CADM2: variants seen among roughly 807,000 people sequenced by gnomAD.
The protein encoded by CADM2 is immunoglobulin superfamily member 4D.
Under a neutral mutation model 49.8 loss-of-function variants are expected in CADM2, and 12 were observed. The ratio of observed to expected loss-of-function variants is 0.24; its 90% CI spans 0.15 to 0.39. The LOEUF (loss-of-function observed/expected upper bound fraction) is 0.39. Among genes scored for constraint, CADM2 ranks in the 10% least tolerant of loss-of-function variants. The pLI, the probability that CADM2 is intolerant of heterozygous loss-of-function variation, is 1.00. For missense variants in CADM2, 378 were observed against 492.3 expected, an observed-to-expected ratio of 0.77 and a Z score of 2.20; for synonymous variants, 214 against 175.4, an observed-to-expected ratio of 1.22 and a Z score of -1.74.
chr3:85,731,547 A>T (rs975930648), intron 2 of CADM2, among the ~76,000 whole-genome samples: 2 of 152,164 alleles, frequency 1.3e-5, no homozygotes, highest in Non-Finnish European at 2.9e-5. Context: ...TGTGGGAAAA[A>T]TGAACAAACA....
In CADM2 at chr3:85,970,961, G is replaced by GA. The variant is rs199539354; in HGVS notation, c.970+9323dup. On this transcript the variant is annotated intron_variant, in intron 8 of 9. Transcript: ENST00000383699. Reference sequence around the variant, plus strand: ...TTTTACAGAATGAAAGATAAAAATGGAAAAAAAAAGTCATGCAAGAAATCT... The same window carrying GA: ...TTTTACAGAATGAAAGATAAAAATGGAAAAAAAAAAGTCATGCAAGAAATCT... Among the ~76,000 whole-genome samples, 53 of 149,472 alleles carry GA rather than the reference G, an allele frequency of 3.5e-4. 1 individual carries two copies. The highest frequency in any genetic ancestry group is 9.4e-4 in the Admixed American group (14 of 14,904).
At chr3:85,082,666 T>C (rs72903392) in intron 1 of CADM2, among the ~76,000 whole-genome samples, 3,556 of 152,214 alleles carry the variant, frequency 0.023, 129 homozygotes, top group African/African-American at 0.079. Flanking sequence ...GGTATTCTTG[T>C]AGTTGCCTAG....
intron 1 of CADM2, among the ~76,000 whole-genome samples, chr3:85,197,359 A>G (rs1315267097): frequency 1.3e-5 from 2 of 151,976 alleles, no homozygotes; most frequent in East Asian, 1.9e-4. Flanking sequence ...AAGAAAATGT[A>G]TTAGAAATTT....
chr3:85,300,288 A>T (rs1216234979), intron 1 of CADM2, among the ~76,000 whole-genome samples: 1 of 152,126 alleles, frequency 6.6e-6, no homozygotes. Flanking sequence ...GAAAAAAAGT[A>T]CATTTGTGAG....
intron 1 of CADM2, among the ~76,000 whole-genome samples, chr3:85,078,159 C>T (rs2037019962): frequency 6.6e-6 from 1 of 151,932 alleles, no homozygotes; most frequent in South Asian, 2.1e-4. Flanking sequence ...GGTAACTAAA[C>T]TCTAAGAATT....
At chr3:85,864,063 C>A (rs762493234) in intron 3 of CADM2, among the ~76,000 whole-genome samples, 2 of 152,020 alleles carry the variant, frequency 1.3e-5, no homozygotes, top group Non-Finnish European at 2.9e-5. Flanking sequence ...GGACGAGAGT[C>A]CAGGAACTAG....
intron 8 of CADM2, among the ~76,000 whole-genome samples, chr3:86,062,267 G>A (rs1046962533): frequency 6.6e-6 from 1 of 152,050 alleles, no homozygotes; most frequent in East Asian, 1.9e-4. Flanking sequence ...GATTCCAAAG[G>A]ATATTTCAAG....
chr3:85,748,737 C>CCA (rs2068733291), intron 2 of CADM2, among the ~76,000 whole-genome samples: 1 of 152,010 alleles, frequency 6.6e-6, no homozygotes, highest in Non-Finnish European at 1.5e-5. Context: ...CAGGTGTTTA[C>CCA]CACATGTTTT....
chr3:85,937,956 T>G (rs1046346263), intron 7 of CADM2, among the ~76,000 whole-genome samples: 4 of 151,420 alleles, frequency 2.6e-5, no homozygotes, highest in African/African-American at 9.8e-5. Context: ...CACAAGTAAA[T>G]ATGTATTAAC....
chr3:85,665,305 C>T (rs534870419), intron 1 of CADM2, among the ~76,000 whole-genome samples: 6 of 151,876 alleles, frequency 4.0e-5, no homozygotes, highest in Non-Finnish European at 8.8e-5. Context: ...TTAATTAATA[C>T]ATCTCCAACT....
At chr3:85,556,790 A>G (rs1559908084) in intron 1 of CADM2, among the ~76,000 whole-genome samples, 1 of 152,154 alleles carries the variant, frequency 6.6e-6, no homozygotes, top group Non-Finnish European at 1.5e-5. Flanking sequence ...TGCTTAGGCA[A>G]CTATATGTTG....
intron 1 of CADM2, among the ~76,000 whole-genome samples, chr3:85,322,651 C>T (rs2044644665): frequency 6.6e-6 from 1 of 152,144 alleles, no homozygotes; most frequent in Non-Finnish European, 1.5e-5. Context: ...TTCTGTGCTA[C>T]ATATGATATT....
intron 3 of CADM2, among the ~76,000 whole-genome samples, chr3:85,807,893 T>G (rs2072554029): frequency 6.6e-6 from 1 of 152,144 alleles, no homozygotes; most frequent in South Asian, 2.1e-4. Flanking sequence ...ATAAATGATT[T>G]TTTTTTACCA....
chr3:85,076,303 T>TTGTGTG (rs71108205), intron 1 of CADM2, among the ~76,000 whole-genome samples: 8,978 of 139,238 alleles, frequency 0.064, 523 homozygotes, highest in African/African-American at 0.15. Context: ...AAAAAAGAAA[T>TTGTGTG]TGTGTGTGTG....
In CADM2 at chr3:85,614,614, T is replaced by C. The variant is rs1228870867; in HGVS notation, c.62-111908T>C. Among the ~76,000 whole-genome samples the C allele has an allele frequency of 2.0e-5, 3 of 151,996 alleles. No individual in the cohort carries two copies. In the East Asian group the frequency reaches 5.8e-4, roughly 29 times the overall value. On this transcript the variant is annotated intron_variant, in intron 1 of 9. Transcript: ENST00000383699. The stretch of plus-strand genomic sequence containing the variant: ...ATTTGTGTGCTCTTTACCTCGTTAA[T>C]TTTAGTGGCTACTAATGCCAACAAT...
intron 1 of CADM2, among the ~76,000 whole-genome samples, chr3:85,203,692 A>G (rs950855638): frequency 3.9e-5 from 6 of 152,356 alleles, no homozygotes; most frequent in Admixed American, 1.3e-4. Flanking sequence ...AAAGCCATGC[A>G]GTATCTGCAA....
intron 1 of CADM2, among the ~76,000 whole-genome samples, chr3:85,146,334 A>G (rs2039740043): frequency 6.6e-6 from 1 of 152,088 alleles, no homozygotes. Context: ...ACTCTTGTTG[A>G]TGAATGTCTC....
chr3:85,486,301 G>A (rs1255468463), intron 1 of CADM2, among the ~76,000 whole-genome samples: 1 of 135,662 alleles, frequency 7.4e-6, no homozygotes, highest in Non-Finnish European at 1.7e-5. Context: ...GGCAATTTTA[G>A]GGGGAACAAT....
intron 1 of CADM2, among the ~76,000 whole-genome samples, chr3:85,221,139 G>A (rs148813793): frequency 5.9e-3 from 896 of 152,174 alleles, no homozygotes; most frequent in Middle Eastern, 0.01. Context: ...CGTTATAAAC[G>A]ATACACTTTT....
Sources: gnomAD v4.1 joint callset for allele counts (sites outside exome capture counted in the v4.1 genomes callset) on GRCh38, gnomAD v4.1.1 for gene constraint, MANE v1.5 for transcripts, NCBI Gene and HGNC (gene_info 2026-07-23, HGNC 2026-07-21) for gene names.